Variants in PTP4A2 observed in about 807,000 individuals in gnomAD.
PTP4A2 encodes the protein protein tyrosine phosphatase 4A2.
A neutral mutation model predicts 22.9 loss-of-function variants in PTP4A2; 2 were observed. That is an observed-to-expected ratio of 0.09 (90% CI 0.04 to 0.27). The LOEUF is 0.27. PTP4A2 is among the 10% of genes least tolerant of loss of function. The probability of loss-of-function intolerance (pLI) is 1.00; values close to 1 mark genes in which losing one functional copy is unlikely to be tolerated. For synonymous variants in PTP4A2, 68 were observed against 69.1 expected (o/e 0.98, Z 0.08); for missense variants, 103 against 205.1 (o/e 0.50, Z 3.04).
chr1:31,913,964 G>C (rs1180659745), intron 3 of PTP4A2: 3 of 445,734 alleles, frequency 6.7e-6, no homozygotes, highest in African/African-American at 6.0e-5. Flanking sequence ...ACACAGGGCT[G>C]CATTTGACAT....
In PTP4A2 at chr1:31,906,871, C is replaced by T. The variant is rs558974028; in HGVS notation, c.*1981G>A. The T allele has an allele frequency of 6.6e-6, 1 of 152,222 alleles. No homozygotes were observed. Among genetic ancestry groups the T allele is most frequent in the East Asian group, 1.9e-4 (1 of 5,192 alleles). 9.4% of individuals were successfully genotyped at this position (152,222 alleles called of 1,614,324 possible). On this transcript the variant is annotated 3_prime_UTR_variant, in exon 6 of 6. Transcript: ENST00000647444. ...ATTGATCAAAACCCAGTGGAATCAA[C>T]ACCATCTATCTTAGCTTAGCAGGTA...
intron 3 of PTP4A2, among the ~76,000 whole-genome samples, chr1:31,912,649 C>T (rs1651599025): frequency 6.6e-6 from 1 of 152,128 alleles, no homozygotes; most frequent in Non-Finnish European, 1.5e-5. Context: ...AGGAGGGGGA[C>T]TGGGGGCTGA....
In PTP4A2 at chr1:31,920,818, G is replaced by A. The variant is rs555030263; in HGVS notation, c.-593-1160C>T. ...CTCCCAAAGTGCTGGGATTACAGGC[G>A]TGAACTACTGCGCCTGGCCCATGAA... On this transcript the variant is annotated intron_variant, in intron 1 of 5. Coordinates refer to ENST00000647444, the MANE Select transcript of PTP4A2 (RefSeq NM_080391.4). Among the ~76,000 whole-genome samples, 7 of 152,168 alleles carry A rather than the reference G, an allele frequency of 4.6e-5. No homozygotes were observed. In the East Asian group the frequency reaches 7.7e-4, roughly 17 times the overall value.
At chr1:31,937,496 C>T (rs1217983319) in intron 1 of PTP4A2, among the ~76,000 whole-genome samples, 4 of 151,860 alleles carry the variant, frequency 2.6e-5, no homozygotes, top group African/African-American at 9.7e-5. Context: ...CTACCACACT[C>T]CTGCCTCTGC....
chr1:31,918,902 TAAGAGA>T (rs1651997809), intron 2 of PTP4A2, 62 bp downstream of exon 2: 1 of 935,538 alleles, frequency 1.1e-6, no homozygotes, highest in East Asian at 2.4e-5. Context: ...GGCTTTGTGC[TAAGAGA>T]ATTTTTTAAT....
chr1:31,931,859 C>G (rs891098092), intron 1 of PTP4A2, among the ~76,000 whole-genome samples: 3 of 152,194 alleles, frequency 2.0e-5, no homozygotes, highest in African/African-American at 7.2e-5. Context: ...TCCTTCTGCA[C>G]TAACCAGTCA....
chr1:31,924,182 A>G (rs1471603316), intron 1 of PTP4A2: 8 of 152,190 alleles, frequency 5.3e-5, no homozygotes, highest in Non-Finnish European at 7.3e-5. Flanking sequence ...AGCAAACAGA[A>G]CAAGCTTTAT....
At position 31,915,973 on chromosome 1, in the gene PTP4A2, A is replaced by G. The variant is rs1474019605; in HGVS notation, c.111T>C (p.Tyr37=). The change falls in exon 3 of 6, where the codon TAT becomes TAC. Residue 37 remains tyrosine, a synonymous_variant. Coordinates refer to ENST00000647444, the MANE Select transcript of PTP4A2 (RefSeq NM_080391.4). ...LNKFTEELKK[Y]GVTTLVRVCD... Reference sequence around the variant, plus strand: ...AAACTCGAACCAAAGTCGTCACTCCATACTTCTTAAGTTCCTTTAAAAAAA... The same window carrying G: ...AAACTCGAACCAAAGTCGTCACTCCGTACTTCTTAAGTTCCTTTAAAAAAA... The G allele has an allele frequency of 5.7e-6, 9 of 1,585,384 alleles. No homozygotes were observed. Among genetic ancestry groups the G allele is most frequent in the Non-Finnish European group, 7.7e-6 (9 of 1,168,680 alleles).
chr1:31,916,109 G>GC (rs1173669487), intron 2 of PTP4A2, 122 bp from the exon 3 acceptor site: 1 of 584,530 alleles, frequency 1.7e-6, no homozygotes, highest in Non-Finnish European at 3.0e-6. Context: ...ACTTTGGGAG[G>GC]CCTGAGGCGG....
chr1:31,918,849 T>A, intron 2 of PTP4A2, 121 bp downstream of exon 2: 1 of 610,948 alleles, frequency 1.6e-6, no homozygotes, highest in Non-Finnish European at 2.9e-6. Context: ...CCCAACCCAA[T>A]TCAAACCAGG....
At chr1:31,927,073 C>G (rs937943760) in intron 1 of PTP4A2, among the ~76,000 whole-genome samples, 5 of 152,214 alleles carry the variant, frequency 3.3e-5, no homozygotes, top group African/African-American at 1.2e-4. Context: ...AAAAGAGAGC[C>G]TTATAGGCCA....
At chr1:31,913,855 A>C (rs1270769944) in intron 3 of PTP4A2, 3 of 456,186 alleles carry the variant, frequency 6.6e-6, no homozygotes, top group Admixed American at 4.7e-5. Flanking sequence ...TGTCAAAACA[A>C]GTTGATTTTT....
chr1:31,921,337 C>CAA (rs1294106522), intron 1 of PTP4A2: 2 of 152,168 alleles, frequency 1.3e-5, no homozygotes, highest in Non-Finnish European at 2.9e-5. Context: ...CAATGTACCA[C>CAA]AAATGCCTCC....
chr1:31,937,054 G>A (rs923228530), intron 1 of PTP4A2, among the ~76,000 whole-genome samples: 3 of 152,132 alleles, frequency 2.0e-5, no homozygotes, highest in Non-Finnish European at 2.9e-5. Context: ...AAAACTAGCA[G>A]TACTTTACAA....
chr1:31,911,881 C>G (rs2124147743), intron 3 of PTP4A2, 55 bp from the exon 4 acceptor site: 2 of 1,407,720 alleles, frequency 1.4e-6, no homozygotes, highest in South Asian at 2.8e-5. Flanking sequence ...GATTAACATC[C>G]TAATACAGAA....
At chr1:31,914,559 A>AT (rs1651726675) in intron 3 of PTP4A2, 1 of 214,828 alleles carries the variant, frequency 4.7e-6, no homozygotes, top group Non-Finnish European at 9.8e-6. Context: ...AGAAGCAGGA[A>AT]CATAACCTTA....
intron 3 of PTP4A2, among the ~76,000 whole-genome samples, chr1:31,913,370 A>G (rs1240679755): frequency 6.6e-6 from 1 of 152,026 alleles, no homozygotes; most frequent in Non-Finnish European, 1.5e-5. Context: ...GATCATAGCT[A>G]TTTATTTATT....
At chr1:31,926,626 G>C (rs2124238230) in intron 1 of PTP4A2, among the ~76,000 whole-genome samples, 1 of 152,228 alleles carries the variant, frequency 6.6e-6, no homozygotes, top group South Asian at 2.1e-4. Context: ...TGAAGAGCTA[G>C]GCATTTTCCT....
At position 31,906,557 on chromosome 1, in the gene PTP4A2, A is replaced by G. The variant is rs1239216222; in HGVS notation, c.*2295T>C. 2 of 152,188 alleles carry G rather than the reference A, an allele frequency of 1.3e-5. No individual in the cohort carries two copies. The highest frequency in any genetic ancestry group is 2.9e-5 in the Non-Finnish European group (2 of 68,028). 9.4% of individuals were successfully genotyped at this position (152,188 alleles called of 1,614,324 possible). ...AGCTAGCAATACTTCATTAAATCGA[A>G]AAGAAAAAAATTGCTTTAAGGAAAA... On this transcript the variant is annotated 3_prime_UTR_variant, in exon 6 of 6. Transcript: ENST00000647444.
Sources: gnomAD v4.1 joint callset for allele counts (sites outside exome capture counted in the v4.1 genomes callset) on GRCh38, gnomAD v4.1.1 for gene constraint, MANE v1.5 for transcripts, NCBI Gene and HGNC (gene_info 2026-07-23, HGNC 2026-07-21) for gene names.